The following PLXNC1 variants were observed in gnomAD, a reference collection of about 807,000 sequenced individuals.
PLXNC1 encodes the protein plexin-C1.
PLXNC1 carries 75 observed loss-of-function variants against 178.2 expected under a neutral mutation model. That is an observed-to-expected ratio of 0.42 (90% CI 0.35 to 0.51). The LOEUF is 0.51. PLXNC1 is among the 20% of genes least tolerant of loss of function. PLXNC1 has a pLI of 0.02. For synonymous variants in PLXNC1, 790 were observed against 779.9 expected, an observed-to-expected ratio of 1.01 and a Z score of -0.22; for missense variants, 1,503 against 1,984.4, an observed-to-expected ratio of 0.76 and a Z score of 4.61.
At chr12:94,225,695 C>T (rs1051266446) in intron 7 of PLXNC1, among the ~76,000 whole-genome samples, 5 of 152,192 alleles carry the variant, frequency 3.3e-5, no homozygotes, top group African/African-American at 1.2e-4. Flanking sequence ...CTAGGTCCCC[C>T]AGGGAGGGTG....
intron 3 of PLXNC1, 199 bp from the exon 4 acceptor site, chr12:94,186,174 A>G (rs1962501753): frequency 1.9e-6 from 1 of 529,300 alleles, no homozygotes; most frequent in African/African-American, 1.9e-5. Context: ...GGGAATACGC[A>G]CTGTCAAAAG....
At chr12:94,257,454 G>A (rs1964874705) in intron 17 of PLXNC1, among the ~76,000 whole-genome samples, 1 of 152,194 alleles carries the variant, frequency 6.6e-6, no homozygotes, top group African/African-American at 2.4e-5. Flanking sequence ...AAATTTGAAT[G>A]AAAGGAGGAA....
intron 14 of PLXNC1, 148 bp from the exon 15 acceptor site, chr12:94,251,278 A>G (rs1338102685): frequency 3.6e-5 from 22 of 614,552 alleles, no homozygotes; most frequent in Non-Finnish European, 5.9e-5. Flanking sequence ...CACATAGCTA[A>G]TCTGCCACAG....
At chr12:94,165,471 G>A (rs3843641) in intron 1 of PLXNC1, among the ~76,000 whole-genome samples, 12,088 of 152,150 alleles carry the variant, frequency 0.079, 581 homozygotes, top group East Asian at 0.13. Context: ...TTCCAGGCTC[G>A]CTGTTGTAAT....
chr12:94,194,484 C>T (rs1962843501), intron 4 of PLXNC1, among the ~76,000 whole-genome samples: 1 of 152,118 alleles, frequency 6.6e-6, no homozygotes, highest in Non-Finnish European at 1.5e-5. Context: ...GGATTACAGG[C>T]ACATAATCCT....
intron 9 of PLXNC1, among the ~76,000 whole-genome samples, chr12:94,231,164 G>A (rs1964087714): frequency 6.6e-6 from 1 of 152,198 alleles, no homozygotes. Context: ...AATCAGTGTG[G>A]TTGGTTAAGT....
chr12:94,149,222 C>T lies in PLXNC1; in HGVS notation c.251C>T (p.Ala84Val). The change falls in exon 1 of 31, where the codon GCG becomes GTG. Residue 84 changes from alanine to valine, a missense_variant. Coordinates refer to ENST00000258526, the MANE Select transcript of PLXNC1 (RefSeq NM_005761.3). ...CTCTCGCGCCTGTACCGGGACCAAG[C>T]GGGCAACTGCACAGAGCCGGTCTCG... ...HSLSRLYRDQ[A>V]GNCTEPVSLA... is the part of the protein sequence containing the mutation. 6.3e-7 allele frequency: 1 copy of T among 1,583,536 alleles called. No individual in the cohort carries two copies. Among genetic ancestry groups the T allele is most frequent in the Admixed American group, 1.7e-5 (1 of 57,706 alleles).
chr12:94,221,035 C>T (rs548221174), intron 6 of PLXNC1, among the ~76,000 whole-genome samples: 1 of 152,332 alleles, frequency 6.6e-6, no homozygotes, highest in East Asian at 1.9e-4. Context: ...ACCGTGAATC[C>T]TGCGAGCTGT....
Position 94,300,999 on chromosome 12 carries a change from C to G in PLXNC1, c.4328C>G (p.Ser1443Ter), listed in dbSNP as rs1449730703. ...ACACCACATATAGACGGCTGTTTGT[C>G]AGTGATTGCCCAGGCATTCATGGAT... is the stretch of plus-strand genomic sequence containing the variant. The part of the protein sequence containing the change: ...KKTPHIDGCL[S>*]VIAQAFMDAF... Residue 1443 changes from serine (S) to a stop codon, truncating the protein, a stop_gained, in exon 28 of 31, where the codon TCA becomes TGA. Transcript: ENST00000258526. LOFTEE classifies it high-confidence loss of function. 6.2e-7 allele frequency: 1 copy of G among 1,613,804 alleles called. No homozygotes were observed. The highest frequency in any genetic ancestry group is 8.5e-7 in the Non-Finnish European group (1 of 1,179,766).
At chr12:94,263,187 C>T (rs980185614) in intron 20 of PLXNC1, among the ~76,000 whole-genome samples, 2 of 152,120 alleles carry the variant, frequency 1.3e-5, no homozygotes, top group Admixed American at 6.5e-5. Flanking sequence ...CATCAGAATC[C>T]TCCTCCCCCA....
intron 5 of PLXNC1, among the ~76,000 whole-genome samples, chr12:94,217,230 A>C (rs949419745): frequency 2.2e-4 from 33 of 151,988 alleles, no homozygotes; most frequent in African/African-American, 7.7e-4. Flanking sequence ...ATTGCTTTCC[A>C]TGGCACGCCC....
intron 4 of PLXNC1, among the ~76,000 whole-genome samples, chr12:94,204,780 T>C (rs1257612156): frequency 6.6e-6 from 1 of 152,258 alleles, no homozygotes. Flanking sequence ...GCAAAAGACC[T>C]TGGGTTGCTC....
chr12:94,182,359 A>G (rs1962338638), intron 3 of PLXNC1, among the ~76,000 whole-genome samples: 1 of 142,976 alleles, frequency 7.0e-6, no homozygotes, highest in Admixed American at 7.4e-5. Context: ...TTAAGGCTGC[A>G]GTGAGCCATG....
intron 2 of PLXNC1, 64 bp from the exon 3 acceptor site, chr12:94,181,382 G>A (rs1047158304): frequency 1.3e-5 from 14 of 1,056,390 alleles, no homozygotes; most frequent in Admixed American, 1.3e-4. Flanking sequence ...GCGAGATTCC[G>A]TCTCAAAAAA....
rs142026762 is a variant in PLXNC1, at chr12:94,149,119, G to A, written c.148G>A (p.Ala50Thr). ...WRSEQAIGAI[A>T]ASQEDGVFVA... ...GTCGGAGCAAGCCATCGGAGCCATC[G>A]CGGCGAGCCAGGAGGACGGCGTGTT... The change falls in exon 1 of 31, where the codon GCG becomes ACG. Residue 50 changes from alanine (A) to threonine (T), a missense_variant. Physicochemically the swap from Ala to Thr is moderately conservative, Grantham distance 58. Coordinates refer to ENST00000258526, the MANE Select transcript of PLXNC1 (RefSeq NM_005761.3). The A allele has an allele frequency of 6.3e-7, 1 of 1,587,462 alleles. No homozygotes were observed. The highest frequency in any genetic ancestry group is 8.5e-7 in the Non-Finnish European group (1 of 1,172,256).
chr12:94,228,694 G>A (rs1465990863), intron 9 of PLXNC1, among the ~76,000 whole-genome samples: 1 of 152,122 alleles, frequency 6.6e-6, no homozygotes, highest in Admixed American at 6.5e-5. Context: ...TTAGCATGAT[G>A]TCCTCAAGGT....
At chr12:94,243,043 G>A (rs1199330285) in intron 11 of PLXNC1, among the ~76,000 whole-genome samples, 1 of 152,260 alleles carries the variant, frequency 6.6e-6, no homozygotes, top group African/African-American at 2.4e-5. Context: ...GGCTCTAAAT[G>A]CTGGCCATCG....
At position 94,275,386 on chromosome 12, in the gene PLXNC1, C is replaced by T. The variant is rs181710526; in HGVS notation, c.3598-4086C>T. 1.4e-4 allele frequency among the ~76,000 whole-genome samples: 22 copies of T among 152,322 alleles called. No individual in the cohort carries two copies. In the East Asian group the frequency reaches 2.3e-3, roughly 16 times the overall value. On this transcript the variant is annotated intron_variant, in intron 21 of 30. Coordinates refer to ENST00000258526, the MANE Select transcript of PLXNC1 (RefSeq NM_005761.3). ...AGAGATGGCGCTTCCATCGAGGTGT[C>T]TCCCCCGATGGGGTACAGTGGCTGA...
chr12:94,180,471 A>T (rs756586079), intron 2 of PLXNC1, among the ~76,000 whole-genome samples: 1 of 152,104 alleles, frequency 6.6e-6, no homozygotes, highest in Non-Finnish European at 1.5e-5. Context: ...CCCACCATAC[A>T]CACACAGGAA....
Sources: gnomAD v4.1 joint callset for allele counts (sites outside exome capture counted in the v4.1 genomes callset) on GRCh38, gnomAD v4.1.1 for gene constraint, MANE v1.5 for transcripts, NCBI Gene and HGNC (gene_info 2026-07-23, HGNC 2026-07-21) for gene names.